Variants in POTEC observed in about 807,000 individuals in gnomAD.
The protein encoded by POTEC is ANKRD26-like family B member 2.
In POTEC, 35 loss-of-function variants were observed where a neutral mutation model predicts 62.0. The observed-to-expected ratio is 0.56, with a 90% CI of 0.43 to 0.75. The LOEUF (loss-of-function observed/expected upper bound fraction) is 0.75. POTEC is among the 30% of genes least tolerant of loss of function. The pLI, the probability that POTEC is intolerant of heterozygous loss-of-function variation, is 0.00. For missense variants in POTEC, 472 were observed against 655.9 expected, an observed-to-expected ratio of 0.72 and a Z score of 3.06; for synonymous variants, 156 against 221.5, an observed-to-expected ratio of 0.70 and a Z score of 2.62.
intron 3 of POTEC, among the ~76,000 whole-genome samples, chr18:14,536,386 G>C (rs372059639): frequency 1.3e-5 from 2 of 151,366 alleles, no homozygotes; most frequent in Non-Finnish European, 2.9e-5. Flanking sequence ...AGTGTATCCG[G>C]ATTTTGAGAA....
chr18:14,526,736 C>T (rs1054633577), intron 6 of POTEC, among the ~76,000 whole-genome samples: 41 of 152,180 alleles, frequency 2.7e-4, no homozygotes, highest in African/African-American at 7.9e-4. Flanking sequence ...AAAGGGCTAA[C>T]GATGTAGAGT....
chr18:14,533,862 C>A (rs1905611892), intron 4 of POTEC, among the ~76,000 whole-genome samples: 1 of 145,992 alleles, frequency 6.8e-6, no homozygotes, highest in Admixed American at 6.9e-5. Context: ...CAAAGCCTAG[C>A]TCTTTTCTCT....
intron 6 of POTEC, chr18:14,528,716 C>T (rs1022271285): frequency 1.2e-5 from 3 of 247,894 alleles, no homozygotes; most frequent in African/African-American, 7.1e-5. Flanking sequence ...TTAGCCACTG[C>T]TCATCTAGTA....
chr18:14,538,669 A>G (rs1363524883), intron 1 of POTEC, among the ~76,000 whole-genome samples: 1 of 152,070 alleles, frequency 6.6e-6, no homozygotes, highest in Non-Finnish European at 1.5e-5. Flanking sequence ...ATTGTAAGAT[A>G]TTATAATTTT....
chr18:14,526,304 C>A (rs1221247432), intron 6 of POTEC, among the ~76,000 whole-genome samples: 1 of 152,104 alleles, frequency 6.6e-6, no homozygotes, highest in Non-Finnish European at 1.5e-5. Context: ...TAGGACCTCA[C>A]TGATTTTTCT....
In POTEC at chr18:14,509,333, A is replaced by G. The variant is rs1295895713; in HGVS notation, c.*2565T>C. On this transcript the variant is annotated 3_prime_UTR_variant, in exon 11 of 11. Transcript: ENST00000358970. ...CCAAGCAACAGTGGTCACTCAGGGT[A>G]TAAGAAGGTCCCTTTTCCTCTGCAC... 6.6e-6 allele frequency: 1 copy of G among 152,084 alleles called. No homozygotes were observed. The highest frequency in any genetic ancestry group is 2.4e-5 in the African/African-American group (1 of 41,424). 9.4% of individuals were successfully genotyped at this position (152,084 alleles called of 1,614,324 possible).
At position 14,542,766 on chromosome 18, in the gene POTEC, G is replaced by A. The variant is rs1905988780; in HGVS notation, c.381C>T (p.Ala127=). The A allele has an allele frequency of 6.2e-7, 1 of 1,613,634 alleles. No homozygotes were observed. Among genetic ancestry groups the A allele is most frequent in the Non-Finnish European group, 8.5e-7 (1 of 1,179,862 alleles). The change falls in exon 1 of 11, where the codon GCC becomes GCT. Residue 127 remains alanine (A), a synonymous_variant. Transcript: ENST00000358970. ...VGAWGDYDDS[A]FMEPRYHVRR... ...GGACGTGGTACCTCGGCTCCATGAA[G>A]GCGCTGTCGTCGTAGTCTCCCCAAG...
At chr18:14,519,736 G>C (rs2143122164) in intron 9 of POTEC, among the ~76,000 whole-genome samples, 1 of 151,898 alleles carries the variant, frequency 6.6e-6, no homozygotes, top group East Asian at 2.0e-4. Context: ...AAAAGAAAAA[G>C]TCACAAGAAA....
intron 7 of POTEC, among the ~76,000 whole-genome samples, chr18:14,523,759 C>T (rs182465759): frequency 7.4e-4 from 113 of 152,170 alleles, no homozygotes; most frequent in African/African-American, 2.7e-3. Context: ...AAATAATTCA[C>T]CTCAGACAAA....
At chr18:14,540,944 G>A (rs1388995980) in intron 1 of POTEC, among the ~76,000 whole-genome samples, 1 of 151,844 alleles carries the variant, frequency 6.6e-6, no homozygotes, top group Admixed American at 6.6e-5. Flanking sequence ...AGGCTGGAGT[G>A]TAGTGGTGCA....
chr18:14,528,075 T>A (rs1157001020), intron 6 of POTEC: 2 of 152,196 alleles, frequency 1.3e-5, no homozygotes, highest in South Asian at 2.1e-4. Flanking sequence ...ATAATCATGG[T>A]GGCTTTCACA....
At chr18:14,540,345 T>G (rs907372229) in intron 1 of POTEC, among the ~76,000 whole-genome samples, 41 of 152,158 alleles carry the variant, frequency 2.7e-4, no homozygotes, top group Non-Finnish European at 4.9e-4. Flanking sequence ...GAAACTTAAC[T>G]AAAACTTTTC....
intron 6 of POTEC, among the ~76,000 whole-genome samples, chr18:14,525,905 TTTTG>T (rs1403573351): frequency 2.6e-5 from 4 of 152,078 alleles, no homozygotes; most frequent in Non-Finnish European, 5.9e-5. Context: ...TTTTCTTTTT[TTTTG>T]TTTTTTTGTT....
chr18:14,510,976 G>C lies in POTEC; in HGVS notation c.*922C>G, dbSNP rs1046085753. 6.6e-5 allele frequency: 10 copies of C among 152,224 alleles called. No homozygotes were observed. The highest frequency in any genetic ancestry group is 2.2e-4 in the African/African-American group (9 of 41,418). The allele number at this position is 152,224 out of a possible 1,614,324, so 9.4% of individuals were successfully genotyped here. A position where few individuals can be genotyped will look rare whatever the true frequency, so the allele number is the denominator to read the frequency against. ...GGTGGCTGGAGACCCTGGTTGAAAG[G>C]CTCCACCCAGTGATTAGAAATGTGG... is the stretch of plus-strand genomic sequence containing the variant. On this transcript the variant is annotated 3_prime_UTR_variant, in exon 11 of 11. Coordinates refer to ENST00000358970, the MANE Select transcript of POTEC (RefSeq NM_001137671.2).
In POTEC at chr18:14,543,521, G is replaced by C. The variant is rs1018018114; in HGVS notation, c.-375C>G. On this transcript the variant is annotated 5_prime_UTR_variant, in exon 1 of 11. Transcript: ENST00000358970. ...AGAAACACCAGGCAAAGCGACTAAC[G>C]CCAAGCCAAGCTAGGAACGCAAGGC... 2.6e-6 allele frequency: 1 copy of C among 391,112 alleles called. No homozygotes were observed. The highest frequency in any genetic ancestry group is 4.7e-6 in the Non-Finnish European group (1 of 213,478). 24.2% of individuals were successfully genotyped at this position (391,112 alleles called of 1,614,324 possible).
At chr18:14,535,505 C>T (rs765957457) in intron 3 of POTEC, among the ~76,000 whole-genome samples, 62 of 151,936 alleles carry the variant, frequency 4.1e-4, no homozygotes, top group Non-Finnish European at 7.5e-4. Flanking sequence ...ATTTTTCCAA[C>T]ATTTATTCAT....
At chr18:14,522,456 C>T (rs1228252354) in intron 8 of POTEC, 36 bp from the exon 9 acceptor site, 6 of 1,412,674 alleles carry the variant, frequency 4.2e-6, no homozygotes, top group Non-Finnish European at 4.7e-6. Context: ...ATGGTTATCA[C>T]TTTATTGAAT....
chr18:14,533,861 G>A (rs1905611811), intron 4 of POTEC, among the ~76,000 whole-genome samples: 1 of 146,626 alleles, frequency 6.8e-6, no homozygotes. Flanking sequence ...CCAAAGCCTA[G>A]CTCTTTTCTC....
At chr18:14,526,873 C>T (rs1274011545) in intron 6 of POTEC, among the ~76,000 whole-genome samples, 1 of 152,096 alleles carries the variant, frequency 6.6e-6, no homozygotes, top group Non-Finnish European at 1.5e-5. Flanking sequence ...AACCAATATT[C>T]CTAGTGAGCC....
Sources: gnomAD v4.1 joint callset for allele counts (sites outside exome capture counted in the v4.1 genomes callset) on GRCh38, gnomAD v4.1.1 for gene constraint, MANE v1.5 for transcripts, NCBI Gene and HGNC (gene_info 2026-07-23, HGNC 2026-07-21) for gene names.